ENOX1: variants seen among roughly 807,000 people sequenced by gnomAD.
ENOX1 encodes the protein candidate growth-related and time keeping constitutive hydroquinone (NADH) oxidase.
Under a neutral mutation model 82.5 loss-of-function variants are expected in ENOX1, and 42 were observed. That is an observed-to-expected ratio of 0.51 (90% CI 0.40 to 0.66). ENOX1 has a LOEUF of 0.66. ENOX1 is among the 30% of genes least tolerant of loss of function. ENOX1 has a pLI of 0.00. For synonymous variants in ENOX1, 271 were observed against 282.2 expected, an observed-to-expected ratio of 0.96 and a Z score of 0.40; for missense variants, 608 against 811.6, an observed-to-expected ratio of 0.75 and a Z score of 3.05.
chr13:43,502,741 G>A (rs1390374169), intron 2 of ENOX1, among the ~76,000 whole-genome samples: 1 of 151,464 alleles, frequency 6.6e-6, no homozygotes, highest in Admixed American at 6.6e-5. Flanking sequence ...AAGCCCATAT[G>A]TATCATCACA....
At chr13:43,607,378 T>C (rs1339362708) in intron 2 of ENOX1, among the ~76,000 whole-genome samples, 1 of 152,230 alleles carries the variant, frequency 6.6e-6, no homozygotes, top group Non-Finnish European at 1.5e-5. Flanking sequence ...TTTAGAGTTA[T>C]CAATATACCC....
In ENOX1 at chr13:43,247,853, A is replaced by T. The variant is rs867059540; in HGVS notation, c.1612-11115T>A. Among the ~76,000 whole-genome samples, 6 of 5,852 alleles carry T rather than the reference A, an allele frequency of 1.0e-3. 2 individuals are homozygous for T. The highest frequency in any genetic ancestry group is 8.0e-3 in the African/African-American group (6 of 750). 3.8% of individuals were successfully genotyped at this position (5,852 alleles called of 152,430 possible). On this transcript the variant is annotated intron_variant, in intron 14 of 16. Coordinates refer to ENST00000690772, the MANE Select transcript of ENOX1 (RefSeq NM_001347969.2). ...CATATATATATATATATATATATATATATATATATATATATATATATATAT... is the reference window on the plus strand; with the variant it reads ...CATATATATATATATATATATATATTTATATATATATATATATATATATAT...
At chr13:43,269,988 G>A (rs1183307864) in intron 12 of ENOX1, among the ~76,000 whole-genome samples, 3 of 152,188 alleles carry the variant, frequency 2.0e-5, no homozygotes, top group African/African-American at 7.2e-5. Context: ...ACTTTGCCAA[G>A]TGGCTGGGAC....
intron 1 of ENOX1, among the ~76,000 whole-genome samples, chr13:43,687,869 A>AT (rs2086157300): frequency 6.6e-6 from 1 of 152,162 alleles, no homozygotes; most frequent in Non-Finnish European, 1.5e-5. Flanking sequence ...GATCAGGAAG[A>AT]GCCTCTAGAC....
At chr13:43,577,985 T>C (rs1201434855) in intron 2 of ENOX1, among the ~76,000 whole-genome samples, 1 of 151,444 alleles carries the variant, frequency 6.6e-6, no homozygotes, top group Non-Finnish European at 1.5e-5. Flanking sequence ...GGAAACTATA[T>C]AAAAAAAAGG....
chr13:43,485,374 C>G (rs2153658244), intron 2 of ENOX1, among the ~76,000 whole-genome samples: 1 of 152,304 alleles, frequency 6.6e-6, no homozygotes, highest in Non-Finnish European at 1.5e-5. Flanking sequence ...TTTGTCTGTC[C>G]TGAACCTTTT....
At chr13:43,517,107 C>A (rs1231476115) in intron 2 of ENOX1, among the ~76,000 whole-genome samples, 1 of 152,186 alleles carries the variant, frequency 6.6e-6, no homozygotes, top group Non-Finnish European at 1.5e-5. Flanking sequence ...CACAAATAAA[C>A]AATGTGTGTT....
At chr13:43,725,815 A>G (rs1399733916) in intron 1 of ENOX1, among the ~76,000 whole-genome samples, 3 of 151,836 alleles carry the variant, frequency 2.0e-5, no homozygotes, top group Admixed American at 6.6e-5. Flanking sequence ...AAAAAAAAAA[A>G]AAGAAGCTAG....
At chr13:43,303,586 T>C (rs1277918424) in intron 11 of ENOX1, among the ~76,000 whole-genome samples, 1 of 152,144 alleles carries the variant, frequency 6.6e-6, no homozygotes, top group Non-Finnish European at 1.5e-5. Context: ...GCTGCTGGAA[T>C]AGGCTTGGGT....
intron 1 of ENOX1, among the ~76,000 whole-genome samples, chr13:43,744,102 C>T (rs965319811): frequency 6.6e-6 from 1 of 152,144 alleles, no homozygotes; most frequent in African/African-American, 2.4e-5. Context: ...TGGGAGGACA[C>T]ATTTAAAACC....
chr13:43,238,122 C>G (rs1341262439), intron 14 of ENOX1, among the ~76,000 whole-genome samples: 1 of 152,136 alleles, frequency 6.6e-6, no homozygotes, highest in East Asian at 1.9e-4. Flanking sequence ...AGGCCTCAGG[C>G]TGATGGTAGG....
intron 3 of ENOX1, among the ~76,000 whole-genome samples, chr13:43,472,842 T>C (rs116422528): frequency 1.7e-4 from 26 of 152,256 alleles, no homozygotes; most frequent in African/African-American, 6.3e-4. Context: ...AAGTACAGAG[T>C]AATGAAAGGT....
intron 3 of ENOX1, among the ~76,000 whole-genome samples, chr13:43,422,623 T>G (rs990204268): frequency 6.6e-6 from 1 of 152,078 alleles, no homozygotes; most frequent in African/African-American, 2.4e-5. Context: ...AACTCTATAT[T>G]GAGAGAAAGA....
chr13:43,441,944 T>G (rs951977458), intron 3 of ENOX1, among the ~76,000 whole-genome samples: 1 of 152,166 alleles, frequency 6.6e-6, no homozygotes, highest in South Asian at 2.1e-4. Context: ...GTTTTACTAC[T>G]TAATTAAAAT....
chr13:43,257,784 C>A (rs1198850794), intron 14 of ENOX1, among the ~76,000 whole-genome samples: 1 of 152,218 alleles, frequency 6.6e-6, no homozygotes, highest in Non-Finnish European at 1.5e-5. Context: ...GTAGGATTAT[C>A]ATGAACCTTT....
intron 3 of ENOX1, among the ~76,000 whole-genome samples, chr13:43,462,952 G>A (rs950814409): frequency 3.3e-5 from 5 of 152,160 alleles, no homozygotes; most frequent in African/African-American, 1.2e-4. Context: ...GTGCATAGTC[G>A]TTACGTTAAA....
intron 1 of ENOX1, among the ~76,000 whole-genome samples, chr13:43,748,050 C>T (rs1156962650): frequency 1.3e-5 from 2 of 152,204 alleles, no homozygotes; most frequent in Non-Finnish European, 2.9e-5. Context: ...TTTATCACCA[C>T]TTTAAAATTA....
intron 2 of ENOX1, among the ~76,000 whole-genome samples, chr13:43,659,695 T>C (rs76740474): frequency 1.1e-4 from 16 of 152,268 alleles, no homozygotes; most frequent in African/African-American, 3.6e-4. Context: ...GGATTTATTT[T>C]AGAATTGTTC....
At chr13:43,653,280 C>G (rs1412662272) in intron 2 of ENOX1, among the ~76,000 whole-genome samples, 1 of 152,200 alleles carries the variant, frequency 6.6e-6, no homozygotes, top group Non-Finnish European at 1.5e-5. Flanking sequence ...AATTGAAACC[C>G]ATTCATAGGA....
Sources: gnomAD v4.1 joint callset for allele counts (sites outside exome capture counted in the v4.1 genomes callset) on GRCh38, gnomAD v4.1.1 for gene constraint, MANE v1.5 for transcripts, NCBI Gene and HGNC (gene_info 2026-07-23, HGNC 2026-07-21) for gene names.